NXF1: variants seen among roughly 807,000 people sequenced by gnomAD.
The protein encoded by NXF1 is nuclear RNA export factor 1.
NXF1 carries 43 observed loss-of-function variants against 92.4 expected under a neutral mutation model. The observed-to-expected ratio is 0.47, with a 90% CI of 0.36 to 0.60. The LOEUF (loss-of-function observed/expected upper bound fraction) is 0.60, where lower values mean the gene tolerates loss of function less well. Among genes scored for constraint, NXF1 ranks in the 20% least tolerant of loss-of-function variants. The pLI is 0.00. For missense variants in NXF1, 576 were observed against 793.0 expected (o/e 0.73, Z 3.29); for synonymous variants, 288 against 292.2 (o/e 0.99, Z 0.15).
chr11:62,794,174 A>G, intron 19 of NXF1, 84 bp downstream of exon 19: 1 of 1,386,776 alleles, frequency 7.2e-7, no homozygotes, highest in Non-Finnish European at 9.8e-7. Context: ...CCAAAAAAAA[A>G]ACAAAAAAAC....
chr11:62,794,980 C>G lies in NXF1; in HGVS notation c.1532G>C (p.Arg511Pro). The change falls in exon 18 of 21, where the codon CGA becomes CCA. Residue 511 changes from arginine to proline, a missense_variant. Around this residue, in one of 2 missense-constraint regions of NXF1, gnomAD observed 425 missense variants for 635.2 expected, o/e 0.67. Transcript: ENST00000294172. ...AGCAATGAATGTCCGGGTGAAGGCT[C>G]GCAAAGAATCCCGGGACTTTCCGTC... ...EVDGKSRDSL[R>P]AFTRTFIAVP... 1 of 1,614,166 alleles carries G rather than the reference C, an allele frequency of 6.2e-7. No homozygotes were observed. Among genetic ancestry groups the G allele is most frequent in the African/African-American group, 1.3e-5 (1 of 75,050 alleles).
intron 18 of NXF1, 46 bp from the exon 19 acceptor site, chr11:62,794,486 TC>T (rs1247208522): frequency 6.6e-7 from 1 of 1,510,958 alleles, no homozygotes. Context: ...GATAACATCA[TC>T]CTCCCAACAT....
rs2084454382 is a variant in NXF1 at position 62,799,309 on chromosome 11, T to A, written c.1017-734A>T. Reference sequence around the variant, plus strand: ...GTCCAAGGTAGAAATGAGAAACAAATCCTTGCTGTGGTGAGTGGGCACTTG... The same window carrying A: ...GTCCAAGGTAGAAATGAGAAACAAAACCTTGCTGTGGTGAGTGGGCACTTG... On this transcript the variant is annotated intron_variant, in intron 10 of 20. Coordinates refer to ENST00000294172, the MANE Select transcript of NXF1 (RefSeq NM_006362.5). 4 of 985,582 alleles carry A rather than the reference T, an allele frequency of 4.1e-6. No homozygotes were observed. The African/African-American group carries it at 5.2e-5, about 13-fold the overall frequency. 61.1% of individuals were successfully genotyped at this position (985,582 alleles called of 1,614,324 possible).
At chr11:62,795,807 G>C in intron 17 of NXF1, 94 bp downstream of exon 17, 2 of 1,224,348 alleles carry the variant, frequency 1.6e-6, no homozygotes, top group South Asian at 2.4e-5. Flanking sequence ...AAAAGAAAAT[G>C]GGAGAGAAAG....
At position 62,792,347 on chromosome 11, in the gene NXF1, A is replaced by AGCCC; in HGVS notation, c.*125_*128dup. The AGCCC allele has an allele frequency of 9.0e-7, 1 of 1,111,516 alleles. No individual in the cohort carries two copies. The highest frequency in any genetic ancestry group is 1.4e-6 in the Non-Finnish European group (1 of 730,818). 68.9% of individuals were successfully genotyped at this position (1,111,516 alleles called of 1,614,324 possible). On this transcript the variant is annotated 3_prime_UTR_variant, in exon 21 of 21. Transcript: ENST00000294172. ...AGGCAGGCGAGGAGAGGGATCAGGC[A>AGCCC]GCCCTCCCTCCCTCGGTCACAGTCA...
intron 10 of NXF1, 24 bp downstream of exon 10, chr11:62,800,353 G>A (rs767109813): frequency 3.1e-6 from 5 of 1,613,944 alleles, no homozygotes; most frequent in Non-Finnish European, 4.2e-6. Context: ...GTCCCCAGGA[G>A]GGGAGACACA....
At chr11:62,796,229 T>C in intron 15 of NXF1, 48 bp from the exon 16 acceptor site, 1 of 1,612,886 alleles carries the variant, frequency 6.2e-7, no homozygotes, top group Non-Finnish European at 8.5e-7. Context: ...CACTCCTGAG[T>C]TCTGACTGAT....
At chr11:62,799,965 G>C in intron 10 of NXF1, 1 of 1,000,154 alleles carries the variant, frequency 1.0e-6, no homozygotes, top group South Asian at 4.4e-5. Flanking sequence ...CATCTCAGTA[G>C]GAAGTCCCAG....
intron 7 of NXF1, 26 bp downstream of exon 7, chr11:62,801,536 C>G: frequency 6.2e-7 from 1 of 1,613,334 alleles, no homozygotes; most frequent in Non-Finnish European, 8.5e-7. Context: ...CACCACCTAT[C>G]TGAGAACTAC....
chr11:62,795,835 G>T, intron 17 of NXF1, 66 bp downstream of exon 17: 1 of 1,437,310 alleles, frequency 7.0e-7, no homozygotes. Flanking sequence ...GAAGCTAAGA[G>T]TGCTGAGGAA....
At chr11:62,796,900 G>A in intron 13 of NXF1, 1 of 537,084 alleles carries the variant, frequency 1.9e-6, no homozygotes, top group Non-Finnish European at 3.3e-6. Flanking sequence ...AATCCCATCT[G>A]TACGAAAAAT....
Position 62,803,918 on chromosome 11 carries a change from C to T in NXF1, c.89G>A (p.Arg30Gln), listed in dbSNP as rs1459255092. 2 of 1,614,172 alleles carry T rather than the reference C, an allele frequency of 1.2e-6. No homozygotes were observed. The highest frequency in any genetic ancestry group is 1.7e-6 in the Non-Finnish European group (2 of 1,180,032). The change falls in exon 2 of 21, where the codon CGG becomes CAG. Residue 30 changes from arginine (R) to glutamine (Q), a missense_variant. Arg to Gln is a conservative substitution (Grantham distance 43). Coordinates refer to ENST00000294172, the MANE Select transcript of NXF1 (RefSeq NM_006362.5). ...ACGGTTTCCTTCACCATATTTCCACCGGAAGGGACCCCGGCCTTTCTTCTT... is the reference window on the plus strand; with the variant it reads ...ACGGTTTCCTTCACCATATTTCCACTGGAAGGGACCCCGGCCTTTCTTCTT... ...QRKKKGRGPF[R>Q]WKYGEGNRRS... is the part of the protein sequence containing the mutation.
intron 10 of NXF1, 26 bp downstream of exon 10, chr11:62,800,351 G>A: frequency 1.2e-6 from 2 of 1,613,910 alleles, no homozygotes; most frequent in Non-Finnish European, 1.7e-6. Flanking sequence ...AGGTCCCCAG[G>A]AGGGGAGACA....
In NXF1 at chr11:62,796,050, G is replaced by A. The variant is rs756141109; in HGVS notation, c.1461+16C>T. ...CCCCAATTCTAGGCTTCTGTCAGGCGCAAGCAGGAGCTTACTGTCTGGGCG... is the reference window on the plus strand; with the variant it reads ...CCCCAATTCTAGGCTTCTGTCAGGCACAAGCAGGAGCTTACTGTCTGGGCG... On this transcript the variant is annotated intron_variant, in intron 16 of 20. Coordinates refer to ENST00000294172, the MANE Select transcript of NXF1 (RefSeq NM_006362.5). The A allele has an allele frequency of 6.3e-5, 102 of 1,612,046 alleles. No homozygotes were observed. The highest frequency in any genetic ancestry group is 1.8e-4 in the Admixed American group (11 of 59,804).
chr11:62,799,257 C>T, intron 10 of NXF1: 2 of 985,560 alleles, frequency 2.0e-6, no homozygotes, highest in Non-Finnish European at 2.4e-6. Flanking sequence ...TGACACAGCC[C>T]TTTCTTTCAG....
chr11:62,796,129 G>A lies in NXF1; in HGVS notation c.1398C>T (p.Leu466=). 1 of 1,614,020 alleles carries A rather than the reference G, an allele frequency of 6.2e-7. No homozygotes were observed. Among genetic ancestry groups the A allele is most frequent in the Non-Finnish European group, 8.5e-7 (1 of 1,180,018 alleles). ...CGTGCTGGGTTTTGGGCAACTCATTGAGGAAGGCAACAACGTTGAGACGCG... is the reference window on the plus strand; with the variant it reads ...CGTGCTGGGTTTTGGGCAACTCATTAAGGAAGGCAACAACGTTGAGACGCG... ...KHTRLNVVAF[L]NELPKTQHDV... Residue 466 remains leucine, a synonymous_variant, in exon 16 of 21, where the codon CTC becomes CTT. Transcript: ENST00000294172.
chr11:62,797,919 G>A (rs2134767311), intron 11 of NXF1, among the ~76,000 whole-genome samples: 1 of 152,170 alleles, frequency 6.6e-6, no homozygotes, highest in Admixed American at 6.6e-5. Flanking sequence ...GTTGAGGTCA[G>A]GAGTTCAAGA....
At chr11:62,797,509 G>T in intron 11 of NXF1, 123 bp from the exon 12 acceptor site, 1 of 824,846 alleles carries the variant, frequency 1.2e-6, no homozygotes, top group Non-Finnish European at 2.0e-6. Context: ...AGACCAGCCT[G>T]GCTGGACAAC....
rs914856407 is a variant in NXF1, at chr11:62,794,433, T to C, written c.1585A>G (p.Ile529Val). The C allele has an allele frequency of 1.9e-6, 3 of 1,610,708 alleles. No homozygotes were observed. The highest frequency in any genetic ancestry group is 2.5e-6 in the Non-Finnish European group (3 of 1,177,036). Reference sequence around the variant, plus strand: ...CGCACAAATAGCTCATCATTTACAATACATAGCCTTGAGGACAAAGAGCAC... The same window carrying C: ...CGCACAAATAGCTCATCATTTACAACACATAGCCTTGAGGACAAAGAGCAC... Reference protein sequence around the residue: ...AVPASNSGLCIVNDELFVRNA... With the variant: ...AVPASNSGLCVVNDELFVRNA... Residue 529 changes from isoleucine to valine, a missense_variant, in exon 19 of 21, where the codon ATT becomes GTT. By Grantham distance (29) the Ile-to-Val change is conservative (BLOSUM62 3). Around this residue, in one of 2 missense-constraint regions of NXF1, gnomAD observed 425 missense variants for 635.2 expected, o/e 0.67. Transcript: ENST00000294172.
Sources: allele counts gnomAD v4.1 joint callset (sites outside exome capture counted in the v4.1 genomes callset), GRCh38; gene constraint gnomAD v4.1.1; regional missense constraint gnomAD v4.1.1; transcripts MANE v1.5; gene names NCBI Gene and HGNC (gene_info 2026-07-23, HGNC 2026-07-21).